NRG1: variants seen among roughly 807,000 people sequenced by gnomAD.
The protein encoded by NRG1 is pro-neuregulin-1, membrane-bound isoform.
NRG1 carries 18 observed loss-of-function variants against 63.8 expected under a neutral mutation model. The ratio of observed to expected loss-of-function variants is 0.28; its 90% CI spans 0.19 to 0.42. NRG1 has a LOEUF of 0.42. Among genes scored for constraint, NRG1 ranks in the 10% least tolerant of loss-of-function variants. NRG1 has a pLI of 1.00. For missense variants in NRG1, 762 were observed against 814.7 expected (o/e 0.94, Z 0.79); for synonymous variants, 302 against 301.3 (o/e 1.00, Z -0.02).
Position 32,616,931 on chromosome 8 carries a change from A to AC in NRG1, c.502+47dup, listed in dbSNP as rs552741255. On this transcript the variant is annotated intron_variant, in intron 5 of 11. Coordinates refer to ENST00000356819, the Ensembl canonical transcript of NRG1. ...TATTCACTGGTTTTTAACCCAAGGC[A>AC]CTATCTGCTTTGGAAGGTCATGTTC... is the stretch of plus-strand genomic sequence containing the variant. The AC allele has an allele frequency of 2.8e-3, 3,941 of 1,383,852 alleles. 14 individuals carry two copies. Among genetic ancestry groups the AC allele is most frequent in the Non-Finnish European group, 3.6e-3 (3,466 of 971,772 alleles). The allele number at this position is 1,383,852 out of a possible 1,614,324, so 85.7% of individuals were successfully genotyped here.
chr8:31,973,015 G>T (rs973052648), intron 1 of NRG1, among the ~76,000 whole-genome samples: 1 of 152,158 alleles, frequency 6.6e-6, no homozygotes, highest in Non-Finnish European at 1.5e-5. Context: ...GAGAAATGTA[G>T]CATCTGAATT....
chr8:32,094,121 A>G (rs933028566), intron 1 of NRG1, among the ~76,000 whole-genome samples: 5 of 152,202 alleles, frequency 3.3e-5, no homozygotes, highest in Admixed American at 2.6e-4. Flanking sequence ...ATAAACAGTG[A>G]AAGAGGAACC....
chr8:32,698,190 G>A (rs1195426254), intron 5 of NRG1, among the ~76,000 whole-genome samples: 4 of 147,934 alleles, frequency 2.7e-5, no homozygotes, highest in African/African-American at 7.6e-5. Context: ...TGATGACAGC[G>A]AGACTCCATC....
At chr8:31,794,211 T>G (rs928810759) in intron 1 of NRG1, among the ~76,000 whole-genome samples, 1 of 152,262 alleles carries the variant, frequency 6.6e-6, no homozygotes, top group Admixed American at 6.5e-5. Flanking sequence ...TTTGTTATGT[T>G]TGCTGACAGA....
chr8:31,659,749 T>C (rs1805788271), intron 1 of NRG1, among the ~76,000 whole-genome samples: 1 of 152,224 alleles, frequency 6.6e-6, no homozygotes, highest in Admixed American at 6.5e-5. Flanking sequence ...TGCTGCATGC[T>C]CTGTGGAACC....
intron 1 of NRG1, among the ~76,000 whole-genome samples, chr8:32,497,858 T>C (rs1827396801): frequency 6.6e-6 from 1 of 152,204 alleles, no homozygotes; most frequent in South Asian, 2.1e-4. Flanking sequence ...AGTTTCACTC[T>C]TGTTGCCCAA....
intron 1 of NRG1, among the ~76,000 whole-genome samples, chr8:31,979,425 T>G (rs1349248681): frequency 6.6e-6 from 1 of 152,130 alleles, no homozygotes; most frequent in Non-Finnish European, 1.5e-5. Context: ...TCATCAGAAA[T>G]GTCCCTGTCT....
chr8:32,280,680 G>GTTTTTTTTTT (rs1235833561), intron 1 of NRG1, among the ~76,000 whole-genome samples: 5 of 53,758 alleles, frequency 9.3e-5, no homozygotes, highest in Admixed American at 2.5e-4. Context: ...ACTGAATTAG[G>GTTTTTTTTTT]TTTTTTTTTT....
At chr8:32,071,566 A>G (rs1014342887) in intron 1 of NRG1, among the ~76,000 whole-genome samples, 1 of 152,140 alleles carries the variant, frequency 6.6e-6, no homozygotes, top group Non-Finnish European at 1.5e-5. Flanking sequence ...GTTAACTAGG[A>G]AGTATAAAGT....
chr8:32,048,424 C>A (rs1821396016), intron 1 of NRG1, among the ~76,000 whole-genome samples: 1 of 125,482 alleles, frequency 8.0e-6, no homozygotes, highest in African/African-American at 3.1e-5. Flanking sequence ...TATGTACATG[C>A]ATATGTACAC....
chr8:32,430,443 C>T (rs1303870708), intron 1 of NRG1, among the ~76,000 whole-genome samples: 5 of 152,102 alleles, frequency 3.3e-5, no homozygotes, highest in South Asian at 4.1e-4. Context: ...ATGTGCAGAG[C>T]TTGGGCACAG....
chr8:31,676,449 G>A (rs1807709796), intron 1 of NRG1, among the ~76,000 whole-genome samples: 1 of 152,112 alleles, frequency 6.6e-6, no homozygotes, highest in South Asian at 2.1e-4. Context: ...TTCTTACTAT[G>A]ATCTCTTTCT....
intron 1 of NRG1, among the ~76,000 whole-genome samples, chr8:31,773,654 T>G (rs953644643): frequency 1.3e-5 from 2 of 152,210 alleles, no homozygotes; most frequent in African/African-American, 4.8e-5. Context: ...CAGTTTTCTC[T>G]TAGAAGTGCA....
intron 1 of NRG1, among the ~76,000 whole-genome samples, chr8:32,371,992 A>ATTT (rs60780562): frequency 0.077 from 9,942 of 129,314 alleles, 471 homozygotes; most frequent in Middle Eastern, 0.1. Context: ...CTTCTTCTTC[A>ATTT]TTTTTTTTTT....
At chr8:32,594,123 T>G (rs1461217275) in intron 1 of NRG1, among the ~76,000 whole-genome samples, 1 of 152,194 alleles carries the variant, frequency 6.6e-6, no homozygotes, top group African/African-American at 2.4e-5. Context: ...TAGGATTTAC[T>G]TGGCAAGGGC....
intron 1 of NRG1, among the ~76,000 whole-genome samples, chr8:32,538,226 C>G (rs553869794): frequency 5.3e-5 from 8 of 152,228 alleles, no homozygotes; most frequent in African/African-American, 1.9e-4. Context: ...TACTGAGTGA[C>G]AGGCACCCTC....
At chr8:32,739,188 G>A (rs77271178) in intron 6 of NRG1, among the ~76,000 whole-genome samples, 16 of 152,264 alleles carry the variant, frequency 1.1e-4, no homozygotes, top group Middle Eastern at 3.4e-3. Flanking sequence ...GAGAGAGGGC[G>A]TTTGCCTCCC....
chr8:31,971,185 T>A (rs1233580542), intron 1 of NRG1, among the ~76,000 whole-genome samples: 6 of 152,220 alleles, frequency 3.9e-5, no homozygotes, highest in Non-Finnish European at 7.3e-5. Flanking sequence ...ATACAATTCC[T>A]TTATCATATA....
At chr8:32,296,751 C>A (rs1230124837) in intron 1 of NRG1, among the ~76,000 whole-genome samples, 4 of 151,454 alleles carry the variant, frequency 2.6e-5, no homozygotes, top group Non-Finnish European at 5.9e-5. Flanking sequence ...AAGACAATAA[C>A]AAAACACTCA....
Sources: allele counts gnomAD v4.1 joint callset (sites outside exome capture counted in the v4.1 genomes callset), GRCh38; gene constraint gnomAD v4.1.1; transcripts MANE v1.5; gene names NCBI Gene and HGNC (gene_info 2026-07-23, HGNC 2026-07-21).